Variants in NELL1 observed in about 807,000 individuals in gnomAD.
The protein encoded by NELL1 is protein kinase C-binding protein NELL1.
Under a neutral mutation model 107.4 loss-of-function variants are expected in NELL1, and 76 were observed. The ratio of observed to expected loss-of-function variants is 0.71; its 90% CI spans 0.59 to 0.86. The LOEUF is 0.86. Among genes scored for constraint, NELL1 ranks in the 40% least tolerant of loss-of-function variants. The pLI is 0.00. For missense variants in NELL1, 1,024 were observed against 1,005.5 expected (o/e 1.02, Z -0.25); for synonymous variants, 353 against 341.2 (o/e 1.03, Z -0.38).
At chr11:20,672,079 C>T (rs1441381258) in intron 1 of NELL1, among the ~76,000 whole-genome samples, 1 of 152,224 alleles carries the variant, frequency 6.6e-6, no homozygotes, top group East Asian at 1.9e-4. Flanking sequence ...CTTCTACACA[C>T]ATTATCGGAA....
In NELL1 at chr11:21,380,030, G is replaced by A. The variant is rs567073382; in HGVS notation, c.1645+9082G>A. 1.6e-4 allele frequency among the ~76,000 whole-genome samples: 25 copies of A among 152,150 alleles called. 1 individual carries two copies. In the South Asian group the frequency reaches 4.2e-3, roughly 25 times the overall value. On this transcript the variant is annotated intron_variant, in intron 15 of 19. Transcript: ENST00000357134. ...CCTCTCCAGTTATCACAGGACTGTG[G>A]CAAGGGCATCTGGGGGGAGAATGAA...
chr11:21,139,122 C>G (rs1042810881), intron 13 of NELL1, among the ~76,000 whole-genome samples: 1 of 152,174 alleles, frequency 6.6e-6, no homozygotes, highest in African/African-American at 2.4e-5. Context: ...GCAGGTCCAT[C>G]TTACTTCTGC....
At chr11:20,893,483 A>G (rs1199956369) in intron 5 of NELL1, among the ~76,000 whole-genome samples, 2 of 151,906 alleles carry the variant, frequency 1.3e-5, no homozygotes, top group African/African-American at 4.8e-5. Context: ...CCTGATTTCA[A>G]GTGTTCTAAG....
rs532121438 is a variant in NELL1 at position 21,410,093 on chromosome 11, T to C, written c.1645+39145T>C. 5.3e-5 allele frequency among the ~76,000 whole-genome samples: 8 copies of C among 152,212 alleles called. No individual in the cohort carries two copies. In the East Asian group the frequency reaches 1.6e-3, roughly 30 times the overall value. On this transcript the variant is annotated intron_variant, in intron 15 of 19. Transcript: ENST00000357134. Reference sequence around the variant, plus strand: ...GCCTTTTCAATGTTCTTAACTATTTTCTGCATTGCAGTGTTTTCCCCCTTC... The same window carrying C: ...GCCTTTTCAATGTTCTTAACTATTTCCTGCATTGCAGTGTTTTCCCCCTTC...
At position 20,855,640 on chromosome 11, in the gene NELL1, T is replaced by A. The variant is rs114567542; in HGVS notation, c.506+7887T>A. 3.5e-3 allele frequency among the ~76,000 whole-genome samples: 539 copies of A among 152,346 alleles called. 3 individuals carry two copies. The highest frequency in any genetic ancestry group is 0.012 in the African/African-American group (511 of 41,578). ...TTCTGATAGGAAAAATATTGATGCT[T>A]GCATCTTAATTGTTGTAATTTTACT... On this transcript the variant is annotated intron_variant, in intron 4 of 19. Coordinates refer to ENST00000357134, the MANE Select transcript of NELL1 (RefSeq NM_006157.5).
At chr11:21,036,220 C>G (rs896683219) in intron 12 of NELL1, among the ~76,000 whole-genome samples, 2 of 152,032 alleles carry the variant, frequency 1.3e-5, no homozygotes, top group Non-Finnish European at 2.9e-5. Context: ...AAACACTGCT[C>G]AAGTAAATCA....
intron 13 of NELL1, among the ~76,000 whole-genome samples, chr11:21,200,200 A>G (rs531188085): frequency 6.6e-6 from 1 of 152,272 alleles, no homozygotes; most frequent in East Asian, 1.9e-4. Flanking sequence ...TTCTAGTTCT[A>G]GATCCTTGAG....
At chr11:21,156,835 G>A (rs577512766) in intron 13 of NELL1, among the ~76,000 whole-genome samples, 1 of 151,990 alleles carries the variant, frequency 6.6e-6, no homozygotes, top group Admixed American at 6.6e-5. Context: ...GCTCATGCCT[G>A]TAACCCCAGC....
At chr11:20,960,118 AAAAC>A (rs1374270105) in intron 11 of NELL1, among the ~76,000 whole-genome samples, 1 of 152,102 alleles carries the variant, frequency 6.6e-6, no homozygotes, top group East Asian at 1.9e-4. Context: ...ATTTTACAAG[AAAAC>A]AAAATTATAA....
chr11:21,418,471 A>G lies in NELL1; in HGVS notation c.1645+47523A>G, dbSNP rs539755528. 1.3e-3 allele frequency among the ~76,000 whole-genome samples: 194 copies of G among 152,240 alleles called. 1 individual carries two copies. The highest frequency in any genetic ancestry group is 4.6e-3 in the African/African-American group (191 of 41,564). On this transcript the variant is annotated intron_variant, in intron 15 of 19. Coordinates refer to ENST00000357134, the MANE Select transcript of NELL1 (RefSeq NM_006157.5). ...GGATTAATTAAAATAAATAAATCAAAATAGAATGTGTAGATGTAAATGGAA... is the reference window on the plus strand; with the variant it reads ...GGATTAATTAAAATAAATAAATCAAGATAGAATGTGTAGATGTAAATGGAA...
chr11:20,826,373 A>G (rs984047448), intron 3 of NELL1, among the ~76,000 whole-genome samples: 22 of 151,190 alleles, frequency 1.5e-4, no homozygotes, highest in African/African-American at 4.8e-4. Flanking sequence ...TTCTCCTTAC[A>G]TGCATTACTT....
chr11:21,227,374 A>G (rs1857922219), intron 13 of NELL1, among the ~76,000 whole-genome samples: 1 of 152,200 alleles, frequency 6.6e-6, no homozygotes, highest in Non-Finnish European at 1.5e-5. Flanking sequence ...TAAAAGGTCA[A>G]CTACTTATAA....
chr11:20,739,225 CGTG>C (rs983409588), intron 2 of NELL1, among the ~76,000 whole-genome samples: 37 of 152,160 alleles, frequency 2.4e-4, no homozygotes, highest in Admixed American at 1.3e-4. Context: ...CTGCTAAAAT[CGTG>C]GTGGTTTGGC....
At chr11:21,549,853 A>G (rs867841866) in intron 16 of NELL1, among the ~76,000 whole-genome samples, 4 of 151,874 alleles carry the variant, frequency 2.6e-5, no homozygotes, top group South Asian at 2.1e-4. Flanking sequence ...AGAGGGCCCA[A>G]TGTAAACAGA....
At chr11:21,559,726 T>A (rs778343826) in intron 16 of NELL1, among the ~76,000 whole-genome samples, 1 of 152,116 alleles carries the variant, frequency 6.6e-6, no homozygotes, top group African/African-American at 2.4e-5. Flanking sequence ...TCCTACTCAG[T>A]GGCTAATACA....
intron 13 of NELL1, among the ~76,000 whole-genome samples, chr11:21,184,458 T>C (rs1163281996): frequency 2.0e-5 from 3 of 151,458 alleles, no homozygotes; most frequent in Non-Finnish European, 2.9e-5. Context: ...TTAGTAGAGA[T>C]GGGGTTTCGC....
chr11:20,805,751 C>T lies in NELL1; in HGVS notation c.335+21921C>T, dbSNP rs532745929. ...TCTCCTGACCTCGTGATCCACCTGC[C>T]TTGGCCTCCCAAAGTGCTGGGATTA... is the stretch of plus-strand genomic sequence containing the variant. On this transcript the variant is annotated intron_variant, in intron 3 of 19. Coordinates refer to ENST00000357134, the MANE Select transcript of NELL1 (RefSeq NM_006157.5). Among the ~76,000 whole-genome samples the T allele has an allele frequency of 1.3e-3, 195 of 152,336 alleles. 1 individual carries two copies. The highest frequency in any genetic ancestry group is 4.6e-3 in the African/African-American group (193 of 41,578).
At chr11:21,069,834 T>C (rs1208835104) in intron 12 of NELL1, among the ~76,000 whole-genome samples, 1 of 152,124 alleles carries the variant, frequency 6.6e-6, no homozygotes, top group East Asian at 1.9e-4. Flanking sequence ...ATTTCACCAC[T>C]TGCTATCTGT....
chr11:20,887,170 A>G (rs1849526473), intron 5 of NELL1, among the ~76,000 whole-genome samples: 1 of 152,074 alleles, frequency 6.6e-6, no homozygotes, highest in Non-Finnish European at 1.5e-5. Context: ...TCAGTGGTTC[A>G]TTGTTTTCTA....
Sources: allele counts gnomAD v4.1 joint callset (sites outside exome capture counted in the v4.1 genomes callset), GRCh38; gene constraint gnomAD v4.1.1; transcripts MANE v1.5; gene names NCBI Gene and HGNC (gene_info 2026-07-23, HGNC 2026-07-21).